Variants in CNTN1 observed in about 807,000 individuals in gnomAD.
The protein encoded by CNTN1 is contactin 1.
A neutral mutation model predicts 126.4 loss-of-function variants in CNTN1; 38 were observed. The ratio of observed to expected loss-of-function variants is 0.30; its 90% CI spans 0.23 to 0.39. The LOEUF (loss-of-function observed/expected upper bound fraction) is 0.39. CNTN1 is among the 10% of genes least tolerant of loss of function. The pLI, the probability that CNTN1 is intolerant of heterozygous loss-of-function variation, is 1.00. For missense variants in CNTN1, 1,009 were observed against 1,248.4 expected (o/e 0.81, Z 2.89); for synonymous variants, 413 against 422.6 (o/e 0.98, Z 0.28).
intron 23 of CNTN1, among the ~76,000 whole-genome samples, chr12:41,040,446 G>A (rs1333229844): frequency 6.6e-6 from 1 of 152,088 alleles, no homozygotes; most frequent in African/African-American, 2.4e-5. Context: ...AGAAATTAGA[G>A]ACGAGGAAAT....
At chr12:40,741,504 T>G (rs1937943262) in intron 1 of CNTN1, among the ~76,000 whole-genome samples, 1 of 152,090 alleles carries the variant, frequency 6.6e-6, no homozygotes, top group Admixed American at 6.6e-5. Flanking sequence ...TAATTAGAAA[T>G]AATCTGATCA....
intron 1 of CNTN1, among the ~76,000 whole-genome samples, chr12:40,846,457 CT>C (rs1942506234): frequency 6.6e-6 from 1 of 152,142 alleles, no homozygotes; most frequent in African/African-American, 2.4e-5. Context: ...AACAGCGAAA[CT>C]CCGTCTCAGA....
intron 23 of CNTN1, among the ~76,000 whole-genome samples, chr12:41,036,242 C>G (rs1213202375): frequency 6.6e-6 from 1 of 152,104 alleles, no homozygotes; most frequent in Non-Finnish European, 1.5e-5. Flanking sequence ...AATTCTTCCC[C>G]TTCTGCCTTT....
chr12:40,822,388 C>T (rs569756824), intron 1 of CNTN1, among the ~76,000 whole-genome samples: 2 of 151,828 alleles, frequency 1.3e-5, no homozygotes, highest in East Asian at 3.9e-4. Flanking sequence ...CTCCTGACCT[C>T]AGGTGATCCG....
At chr12:40,774,475 A>G (rs1449817025) in intron 1 of CNTN1, among the ~76,000 whole-genome samples, 1 of 151,788 alleles carries the variant, frequency 6.6e-6, no homozygotes, top group East Asian at 1.9e-4. Context: ...AAGACAGCAC[A>G]TATTTAAAGA....
At position 40,943,633 on chromosome 12, in the gene CNTN1, C is replaced by A; in HGVS notation, c.1416C>A (p.Asn472Lys). 2 of 1,598,340 alleles carry A rather than the reference C, an allele frequency of 1.3e-6. No homozygotes were observed. The highest frequency in any genetic ancestry group is 1.7e-6 in the Non-Finnish European group (2 of 1,166,242). ...LIWEDGSLEI[N>K]NITRNDGGIY... The stretch of plus-strand genomic sequence containing the variant: ...GGGAAGATGGTAGCTTGGAAATCAA[C>A]AACATTACAAGGAATGATGGAGGTA... Residue 472 changes from asparagine (N) to lysine (K), a missense_variant, in exon 13 of 24, where the codon AAC becomes AAA. Asn to Lys is a moderately conservative substitution (Grantham distance 94, BLOSUM62 0). Transcript: ENST00000551295.
intron 23 of CNTN1, among the ~76,000 whole-genome samples, chr12:41,032,504 CTCTGTT>C (rs1566181808): frequency 6.6e-6 from 1 of 152,154 alleles, no homozygotes. Flanking sequence ...TTGTCCCTTT[CTCTGTT>C]GACATTTCTC....
intron 1 of CNTN1, among the ~76,000 whole-genome samples, chr12:40,826,747 T>C (rs1941625624): frequency 1.3e-5 from 2 of 152,190 alleles, no homozygotes; most frequent in African/African-American, 2.4e-5. Context: ...TAATTATCAA[T>C]TGGCAAACTT....
At chr12:40,968,402 T>A (rs1157596362) in intron 15 of CNTN1, among the ~76,000 whole-genome samples, 2 of 152,144 alleles carry the variant, frequency 1.3e-5, no homozygotes, top group Non-Finnish European at 2.9e-5. Context: ...TAGTTATTTT[T>A]TTTTCAGCTA....
At chr12:40,763,336 C>T (rs1200106128) in intron 1 of CNTN1, 1 of 152,134 alleles carries the variant, frequency 6.6e-6, no homozygotes, top group Non-Finnish European at 1.5e-5. Context: ...TTAATGGAAA[C>T]TTAAATCTTG....
Position 40,764,856 on chromosome 12 carries a change from T to C in CNTN1, c.-77+72264T>C, listed in dbSNP as rs191939211. On this transcript the variant is annotated intron_variant, in intron 1 of 23. Coordinates refer to ENST00000551295, the MANE Select transcript of CNTN1 (RefSeq NM_001843.4). ...TTTCTTCTTTGAACCATTGATTGTTTAGCAGCATATTGCTTAATTTACCAA... is the reference window on the plus strand; with the variant it reads ...TTTCTTCTTTGAACCATTGATTGTTCAGCAGCATATTGCTTAATTTACCAA... Among the ~76,000 whole-genome samples the C allele has an allele frequency of 9.2e-5, 14 of 152,320 alleles. No individual in the cohort carries two copies. The East Asian group carries it at 2.5e-3, about 27-fold the overall frequency.
intron 1 of CNTN1, among the ~76,000 whole-genome samples, chr12:40,857,899 G>T (rs1486246894): frequency 6.6e-6 from 1 of 152,064 alleles, no homozygotes; most frequent in African/African-American, 2.4e-5. Context: ...GTGGTGGTGG[G>T]ATATTACTTT....
At chr12:40,952,419 C>T (rs1332136595) in intron 14 of CNTN1, among the ~76,000 whole-genome samples, 1 of 151,916 alleles carries the variant, frequency 6.6e-6, no homozygotes, top group Non-Finnish European at 1.5e-5. Flanking sequence ...CATTGCTAGA[C>T]ATTTAAAAAA....
In CNTN1 at chr12:40,929,779, G is replaced by A. The variant is rs142799954; in HGVS notation, c.497-17G>A. 6.3e-7 allele frequency: 1 copy of A among 1,581,524 alleles called. No individual in the cohort carries two copies. The highest frequency in any genetic ancestry group is 8.7e-7 in the Non-Finnish European group (1 of 1,151,828). Reference sequence around the variant, plus strand: ...GGGAGAAGCACTTAATATTTAGAAGGCAATATTTTCTCCTAGATGATCTTA... The same window carrying A: ...GGGAGAAGCACTTAATATTTAGAAGACAATATTTTCTCCTAGATGATCTTA... On this transcript the variant is annotated splice_polypyrimidine_tract_variant and intron_variant, in intron 6 of 23. Transcript: ENST00000551295.
At chr12:40,722,609 C>T (rs890370196) in intron 1 of CNTN1, among the ~76,000 whole-genome samples, 1 of 152,052 alleles carries the variant, frequency 6.6e-6, no homozygotes, top group Non-Finnish European at 1.5e-5. Context: ...CATATACATA[C>T]ATACGTACAC....
chr12:40,756,449 A>G (rs532298930), intron 1 of CNTN1, among the ~76,000 whole-genome samples: 53 of 152,298 alleles, frequency 3.5e-4, no homozygotes, highest in African/African-American at 1.1e-3. Flanking sequence ...AGTGTTTCAG[A>G]GGAGCCATGT....
intron 17 of CNTN1, among the ~76,000 whole-genome samples, chr12:41,002,922 A>G (rs1331919568): frequency 1.3e-5 from 2 of 151,994 alleles, no homozygotes; most frequent in Admixed American, 6.6e-5. Context: ...CTCTCTTCCT[A>G]TGTGTATGTC....
intron 23 of CNTN1, among the ~76,000 whole-genome samples, chr12:41,059,174 C>T (rs1045749708): frequency 2.6e-5 from 4 of 151,760 alleles, no homozygotes; most frequent in African/African-American, 9.7e-5. Flanking sequence ...TACCAAATAC[C>T]AAATCTTAAT....
At position 40,959,169 on chromosome 12, in the gene CNTN1, G is replaced by A. The variant is rs1286090767; in HGVS notation, c.1739G>A (p.Arg580Lys). The A allele has an allele frequency of 2.5e-6, 4 of 1,612,832 alleles. No homozygotes were observed. The African/African-American group carries it at 4.0e-5, about 16-fold the overall frequency. Residue 580 changes from arginine (R) to lysine (K), a missense_variant, in exon 15 of 24, where the codon AGA becomes AAA. By Grantham distance (26) the Arg-to-Lys change is conservative. Transcript: ENST00000551295. ...IRNAQLKHAG[R>K]YTCTAQTIVD... ...AATGCGCAGCTGAAACATGCTGGAA[G>A]ATACACATGCACTGCCCAGACAATT...
Sources: allele counts gnomAD v4.1 joint callset (sites outside exome capture counted in the v4.1 genomes callset), GRCh38; gene constraint gnomAD v4.1.1; transcripts MANE v1.5; gene names NCBI Gene and HGNC (gene_info 2026-07-23, HGNC 2026-07-21).